The following ARID4B variants were observed in gnomAD, a reference collection of about 807,000 sequenced individuals.
The protein encoded by ARID4B is AT-rich interaction domain 4B.
Under a neutral mutation model 147.5 loss-of-function variants are expected in ARID4B, and 26 were observed. The ratio of observed to expected loss-of-function variants is 0.18; its 90% confidence interval spans 0.13 to 0.24. The LOEUF (loss-of-function observed/expected upper bound fraction) is 0.24, where lower values mean the gene tolerates loss of function less well. Among genes scored for constraint, ARID4B ranks in the 10% least tolerant of loss-of-function variants. ARID4B has a pLI of 1.00. For missense variants in ARID4B, 1,179 were observed against 1,511.5 expected (o/e 0.78, Z 3.65); for synonymous variants, 512 against 507.9 (o/e 1.01, Z -0.11).
At chr1:235,168,804 G>T in intron 23 of ARID4B, 152 bp from the exon 24 acceptor site, 1 of 827,404 alleles carries the variant, frequency 1.2e-6, no homozygotes, top group Non-Finnish European at 1.8e-6. Flanking sequence ...GTTCTACGAT[G>T]TGAAGAAAGG....
At chr1:235,195,511 T>C (rs565076387) in intron 18 of ARID4B, among the ~76,000 whole-genome samples, 15 of 151,586 alleles carry the variant, frequency 9.9e-5, no homozygotes, top group African/African-American at 3.6e-4. Flanking sequence ...GAGAATCGCT[T>C]GAACTGGGAG....
intron 2 of ARID4B, among the ~76,000 whole-genome samples, chr1:235,283,299 G>A (rs1432154687): frequency 6.6e-6 from 1 of 152,068 alleles, no homozygotes; most frequent in African/African-American, 2.4e-5. Context: ...GCCTTATCAG[G>A]TAGTAACAAC....
At chr1:235,327,208 C>T (rs1030023956) in intron 1 of ARID4B, 1 of 367,360 alleles carries the variant, frequency 2.7e-6, no homozygotes, top group South Asian at 4.1e-5. Flanking sequence ...ACGGAGTTTC[C>T]CGTCTACGAC....
At chr1:235,209,599 T>C (rs2102998551) in intron 17 of ARID4B, among the ~76,000 whole-genome samples, 2 of 150,638 alleles carry the variant, frequency 1.3e-5, no homozygotes, top group Middle Eastern at 3.4e-3. Context: ...AGTCTTGCTC[T>C]GTCACCCAGG....
At chr1:235,271,045 G>A (rs1049163235) in intron 2 of ARID4B, among the ~76,000 whole-genome samples, 1 of 151,934 alleles carries the variant, frequency 6.6e-6, no homozygotes, top group African/African-American at 2.4e-5. Flanking sequence ...ACATTTAAAA[G>A]AGTTTGATTT....
rs570205868 is a variant in ARID4B at position 235,239,526 on chromosome 1, T to C, written c.585+787A>G. 3.9e-5 allele frequency among the ~76,000 whole-genome samples: 6 copies of C among 152,354 alleles called. No individual in the cohort carries two copies. The South Asian group carries it at 1.2e-3, about 32-fold the overall frequency. ...TAGTTATGTCCGTGAAAGATATTAG[T>C]ATATGTTCCCTTTCTAAAAGTCAAA... On this transcript the variant is annotated intron_variant, in intron 8 of 23. Transcript: ENST00000264183.
chr1:235,223,910 T>C (rs1295179332), intron 12 of ARID4B, among the ~76,000 whole-genome samples: 1 of 152,124 alleles, frequency 6.6e-6, no homozygotes, highest in African/African-American at 2.4e-5. Context: ...CAAGAGCCTA[T>C]GAAACAGCAT....
chr1:235,244,818 G>T (rs1049092688), intron 7 of ARID4B, among the ~76,000 whole-genome samples: 1 of 152,176 alleles, frequency 6.6e-6, no homozygotes, highest in Non-Finnish European at 1.5e-5. Context: ...AAGGTCAGAT[G>T]AATGCCCTTA....
chr1:235,171,951 A>G (rs2102893093), intron 23 of ARID4B, among the ~76,000 whole-genome samples: 1 of 152,144 alleles, frequency 6.6e-6, no homozygotes, highest in South Asian at 2.1e-4. Flanking sequence ...CTCCTCCCAG[A>G]TTTTAATTTA....
intron 8 of ARID4B, among the ~76,000 whole-genome samples, chr1:235,237,058 A>T (rs559139160): frequency 6.8e-6 from 1 of 146,910 alleles, no homozygotes; most frequent in South Asian, 2.2e-4. Flanking sequence ...TTTTTAGTAC[A>T]GAAGGGGTTT....
At chr1:235,250,396 A>G (rs1484678565) in intron 6 of ARID4B, among the ~76,000 whole-genome samples, 1 of 152,208 alleles carries the variant, frequency 6.6e-6, no homozygotes, top group African/African-American at 2.4e-5. Flanking sequence ...AAAAGAACAT[A>G]CAGATGGTAG....
At chr1:235,245,801 A>C (rs112125062) in intron 7 of ARID4B, among the ~76,000 whole-genome samples, 2,291 of 152,306 alleles carry the variant, frequency 0.015, 25 homozygotes, top group Non-Finnish European at 0.023. Context: ...TTTCACAACA[A>C]CACTAAGAGA....
At chr1:235,278,862 A>G (rs1163943348) in intron 2 of ARID4B, among the ~76,000 whole-genome samples, 1 of 152,226 alleles carries the variant, frequency 6.6e-6, no homozygotes, top group Non-Finnish European at 1.5e-5. Flanking sequence ...GGATTGTATT[A>G]TAAACTAGAA....
At position 235,167,107 on chromosome 1, in the gene ARID4B, T is replaced by C. The variant is rs1663020854; in HGVS notation, c.*1418A>G. ...AACCATTTTCAACAAAATTAGTTACTGTAAGCACACACTACAAGACTGAAA... is the reference window on the plus strand; with the variant it reads ...AACCATTTTCAACAAAATTAGTTACCGTAAGCACACACTACAAGACTGAAA... On this transcript the variant is annotated 3_prime_UTR_variant, in exon 24 of 24. Transcript: ENST00000264183. 5.2e-6 allele frequency: 1 copy of C among 191,086 alleles called. No individual in the cohort carries two copies. The highest frequency in any genetic ancestry group is 6.1e-5 in the Admixed American group (1 of 16,262). The allele number at this position is 191,086 out of a possible 1,614,324, so 11.8% of individuals were successfully genotyped here. A position where few individuals can be genotyped will look rare whatever the true frequency, so the allele number is the denominator to read the frequency against.
intron 2 of ARID4B, among the ~76,000 whole-genome samples, chr1:235,315,678 A>C (rs1489562420): frequency 2.0e-5 from 3 of 152,164 alleles, no homozygotes; most frequent in African/African-American, 7.2e-5. Flanking sequence ...CTACCACCTT[A>C]CTATCAACAC....
rs769494835 is a variant in ARID4B, at chr1:235,240,369, C to A, written c.529G>T (p.Val177Leu). ...TCCAAACTAATGTAATCTACACATA[C>A]AACTTTGCCTAGTAGCTCATCAATC... ...KQIDELLGKV[V>L]CVDYISLDKK... The change falls in exon 8 of 24, where the codon GTA (valine) becomes TTA (leucine). Residue 177 changes from valine (V) to leucine (L), a missense_variant. This residue lies in a region of ARID4B where 159 missense variants were observed against 190.5 expected (regional missense o/e 0.83). Coordinates refer to ENST00000264183, the MANE Select transcript of ARID4B (RefSeq NM_016374.6). 1 of 1,613,400 alleles carries A rather than the reference C, an allele frequency of 6.2e-7. No individual in the cohort carries two copies. Among genetic ancestry groups the A allele is most frequent in the Non-Finnish European group, 8.5e-7 (1 of 1,179,618 alleles).
chr1:235,267,660 G>A (rs1049966427), intron 2 of ARID4B, among the ~76,000 whole-genome samples: 9 of 152,020 alleles, frequency 5.9e-5, no homozygotes, highest in Non-Finnish European at 8.8e-5. Flanking sequence ...GTGAAACCCC[G>A]TCTCTACTAA....
chr1:235,293,219 A>G (rs1672452723), intron 2 of ARID4B, among the ~76,000 whole-genome samples: 2 of 152,226 alleles, frequency 1.3e-5, no homozygotes, highest in Non-Finnish European at 2.9e-5. Context: ...GTCAAAGTTA[A>G]GGCCAAAAAA....
At chr1:235,327,619 C>A (rs1047773265) in intron 1 of ARID4B, 150 bp downstream of exon 1, 1 of 152,260 alleles carries the variant, frequency 6.6e-6, no homozygotes. Context: ...ACAGCGGCTG[C>A]GGGGGGTGGG....
Sources: allele counts gnomAD v4.1 joint callset (sites outside exome capture counted in the v4.1 genomes callset), GRCh38; gene constraint gnomAD v4.1.1; regional missense constraint gnomAD v4.1.1; transcripts MANE v1.5; gene names NCBI Gene and HGNC (gene_info 2026-07-23, HGNC 2026-07-21).